The following PPP2R2B variants were observed in gnomAD, a reference collection of about 807,000 sequenced individuals.
PPP2R2B encodes serine/threonine-protein phosphatase 2A 55 kDa regulatory subunit B beta isoform.
In PPP2R2B, 5 loss-of-function variants were observed where a neutral mutation model predicts 46.0. The observed-to-expected ratio is 0.11, with a 90% CI of 0.06 to 0.23. PPP2R2B has a LOEUF of 0.23. Among genes scored for constraint, PPP2R2B ranks in the 10% least tolerant of loss-of-function variants. PPP2R2B has a pLI of 1.00. For missense variants in PPP2R2B, 367 were observed against 575.0 expected (o/e 0.64, Z 3.70); for synonymous variants, 215 against 206.7 (o/e 1.04, Z -0.34).
At position 146,588,400 on chromosome 5, in the gene PPP2R2B, T is replaced by G. The variant is rs1447226770; in HGVS notation, c.*1547A>C. 1 of 152,212 alleles carries G rather than the reference T, an allele frequency of 6.6e-6. No homozygotes were observed. The highest frequency in any genetic ancestry group is 2.4e-5 in the African/African-American group (1 of 41,456). The allele number at this position is 152,212 out of a possible 1,614,324, so 9.4% of individuals were successfully genotyped here. A position where few individuals can be genotyped will look rare whatever the true frequency, so the allele number is the denominator to read the frequency against. On this transcript the variant is annotated 3_prime_UTR_variant, in exon 10 of 10. Coordinates refer to ENST00000394411, the MANE Select transcript of PPP2R2B (RefSeq NM_181675.4). ...TTTCCTCCTCCAAAGCAAATTACAC[T>G]TGAAAGTCAGGACTTCTAATACATC... is the stretch of plus-strand genomic sequence containing the variant.
At chr5:146,714,084 A>G (rs1780351263) in intron 2 of PPP2R2B, among the ~76,000 whole-genome samples, 1 of 152,114 alleles carries the variant, frequency 6.6e-6, no homozygotes, top group African/African-American at 2.4e-5. Context: ...AAAGTTGGGG[A>G]CAGAAGAAGA....
At chr5:146,940,415 A>G (rs1389128922) in intron 1 of PPP2R2B, among the ~76,000 whole-genome samples, 1 of 151,154 alleles carries the variant, frequency 6.6e-6, no homozygotes, top group Admixed American at 6.6e-5. Context: ...TTTTGCTTTC[A>G]TTTTGGATTG....
chr5:147,058,865 T>C (rs1311942857), upstream of PPP2R2B, among the ~76,000 whole-genome samples: 1 of 152,154 alleles, frequency 6.6e-6, no homozygotes, highest in African/African-American at 2.4e-5. Flanking sequence ...CCACAGGAGA[T>C]CTCATATTTC....
At chr5:146,995,710 T>A (rs528959663) in intron 1 of PPP2R2B, among the ~76,000 whole-genome samples, 1 of 152,210 alleles carries the variant, frequency 6.6e-6, no homozygotes, top group Non-Finnish European at 1.5e-5. Context: ...ATAGTGAGCT[T>A]AAGAATACAT....
chr5:146,949,760 C>A (rs1028553079), intron 1 of PPP2R2B, among the ~76,000 whole-genome samples: 2 of 151,966 alleles, frequency 1.3e-5, no homozygotes, highest in Non-Finnish European at 2.9e-5. Flanking sequence ...TTGGAAGCAG[C>A]CTAAGTGTCC....
At chr5:146,854,504 A>G (rs970645881) in intron 2 of PPP2R2B, among the ~76,000 whole-genome samples, 6 of 152,138 alleles carry the variant, frequency 3.9e-5, no homozygotes, top group African/African-American at 1.4e-4. Context: ...CTCTGCTATC[A>G]AACATTAGAA....
intron 1 of PPP2R2B, among the ~76,000 whole-genome samples, chr5:146,939,495 C>T (rs139508201): frequency 3.3e-5 from 5 of 152,290 alleles, no homozygotes; most frequent in African/African-American, 7.2e-5. Flanking sequence ...CACACTGCTA[C>T]AAATTCACAA....
At chr5:146,630,100 C>A (rs1774328269) in intron 7 of PPP2R2B, among the ~76,000 whole-genome samples, 1 of 152,216 alleles carries the variant, frequency 6.6e-6, no homozygotes, top group South Asian at 2.1e-4. Context: ...CAGGCATAAG[C>A]CACCATGCCT....
At chr5:146,764,793 T>C (rs1467559141) in intron 2 of PPP2R2B, among the ~76,000 whole-genome samples, 1 of 103,532 alleles carries the variant, frequency 9.7e-6, no homozygotes, top group Non-Finnish European at 2.0e-5. Context: ...ATGGAACATC[T>C]CTATCCCGAG....
chr5:146,912,920 C>T (rs1282485418), intron 1 of PPP2R2B, among the ~76,000 whole-genome samples: 3 of 152,134 alleles, frequency 2.0e-5, no homozygotes, highest in Non-Finnish European at 2.9e-5. Flanking sequence ...CTAGTCCAAG[C>T]TCTTCTGGGG....
chr5:146,955,424 G>C lies in PPP2R2B; in HGVS notation c.79+100241C>G, dbSNP rs141759488. 5.4e-3 allele frequency among the ~76,000 whole-genome samples: 829 copies of C among 152,254 alleles called. 4 individuals are homozygous for C. Among genetic ancestry groups the C allele is most frequent in the Non-Finnish European group, 9.3e-3 (631 of 68,016 alleles). Reference sequence around the variant, plus strand: ...TTGAGTAGCAAGTAAATAGGGCACAGCATTCAGTTATACAATGTTTTAAAT... The same window carrying C: ...TTGAGTAGCAAGTAAATAGGGCACACCATTCAGTTATACAATGTTTTAAAT... On this transcript the variant is annotated intron_variant, in intron 1 of 8. Transcript: ENST00000336640.
intron 5 of PPP2R2B, among the ~76,000 whole-genome samples, chr5:146,658,585 G>C (rs1776488874): frequency 1.3e-5 from 2 of 152,248 alleles, no homozygotes; most frequent in South Asian, 4.1e-4. Context: ...TAAGAACTAT[G>C]TGAAAAAGTT....
chr5:146,885,810 G>A (rs1251560144), intron 1 of PPP2R2B, among the ~76,000 whole-genome samples: 2 of 152,182 alleles, frequency 1.3e-5, no homozygotes, highest in African/African-American at 4.8e-5. Context: ...ACGAAGTATT[G>A]AAACATGCCA....
intron 2 of PPP2R2B, among the ~76,000 whole-genome samples, chr5:146,743,904 C>G (rs1157168603): frequency 6.6e-6 from 1 of 152,092 alleles, no homozygotes; most frequent in Non-Finnish European, 1.5e-5. Context: ...AAACTAGGAC[C>G]AATGATGTGC....
chr5:146,641,926 A>G (rs771543871), intron 6 of PPP2R2B, among the ~76,000 whole-genome samples: 9 of 152,218 alleles, frequency 5.9e-5, no homozygotes, highest in Non-Finnish European at 8.8e-5. Flanking sequence ...TGGCAAAAGC[A>G]AAACAGAGCA....
At chr5:146,601,351 C>A (rs1033599580) in intron 7 of PPP2R2B, among the ~76,000 whole-genome samples, 1 of 152,114 alleles carries the variant, frequency 6.6e-6, no homozygotes, top group African/African-American at 2.4e-5. Flanking sequence ...GTATTCAGCA[C>A]TTTGGGAGGC....
chr5:146,855,985 A>G (rs188089344), intron 2 of PPP2R2B, among the ~76,000 whole-genome samples: 1 of 152,284 alleles, frequency 6.6e-6, no homozygotes, highest in Admixed American at 6.5e-5. Context: ...CTATTTTCTC[A>G]TTGGAAATTA....
At chr5:146,713,458 T>G (rs1195365371) in intron 2 of PPP2R2B, among the ~76,000 whole-genome samples, 2 of 152,240 alleles carry the variant, frequency 1.3e-5, no homozygotes, top group Non-Finnish European at 2.9e-5. Flanking sequence ...AAAGCTTATG[T>G]TACGTACATT....
intron 2 of PPP2R2B, among the ~76,000 whole-genome samples, chr5:146,792,329 T>C (rs965124403): frequency 3.3e-5 from 5 of 152,162 alleles, no homozygotes; most frequent in African/African-American, 1.2e-4. Flanking sequence ...GCCAAAAACC[T>C]GTGGGAAATT....
Sources: allele counts gnomAD v4.1 joint callset (sites outside exome capture counted in the v4.1 genomes callset), GRCh38; gene constraint gnomAD v4.1.1; transcripts MANE v1.5; gene names NCBI Gene and HGNC (gene_info 2026-07-23, HGNC 2026-07-21).